Variants in TEX9 observed in about 807,000 individuals in gnomAD.
The protein encoded by TEX9 is testis expressed 9.
In TEX9, 74 loss-of-function variants were observed where a neutral mutation model predicts 59.6. That is an observed-to-expected ratio of 1.24 (90% CI 1.03 to 1.51). The LOEUF is 1.51. Among genes scored for constraint, TEX9 ranks in the 40% most tolerant of loss-of-function variants. The pLI, the probability that TEX9 is intolerant of heterozygous loss-of-function variation, is 0.00. For missense variants in TEX9, 522 were observed against 447.8 expected, an observed-to-expected ratio of 1.17 and a Z score of -1.49; for synonymous variants, 186 against 152.2, an observed-to-expected ratio of 1.22 and a Z score of -1.64.
intron 1 of TEX9, among the ~76,000 whole-genome samples, chr15:56,314,777 G>C (rs1429045068): frequency 6.6e-6 from 1 of 151,798 alleles, no homozygotes; most frequent in African/African-American, 2.4e-5. Flanking sequence ...ATTATTGTGT[G>C]GGAGTCTAAG....
At chr15:56,378,551 C>T (rs2047571052) in intron 3 of TEX9, among the ~76,000 whole-genome samples, 1 of 151,898 alleles carries the variant, frequency 6.6e-6, no homozygotes, top group African/African-American at 2.4e-5. Flanking sequence ...TGAATTTCTG[C>T]ATTGTCAGTT....
intron 1 of TEX9, among the ~76,000 whole-genome samples, chr15:56,262,272 G>T (rs562017162): frequency 5.3e-5 from 8 of 152,224 alleles, no homozygotes; most frequent in Non-Finnish European, 1.0e-4. Context: ...GAGCAGAGAG[G>T]CAATAATTCA....
chr15:56,442,611 C>T (rs1387975673), intron 12 of TEX9, among the ~76,000 whole-genome samples: 1 of 152,158 alleles, frequency 6.6e-6, no homozygotes, highest in Non-Finnish European at 1.5e-5. Context: ...AGCTGGAGGC[C>T]ATTAGCCTAT....
chr15:56,277,903 C>T (rs1212589885), intron 1 of TEX9, among the ~76,000 whole-genome samples: 1 of 152,174 alleles, frequency 6.6e-6, no homozygotes, highest in Non-Finnish European at 1.5e-5. Flanking sequence ...AATGCCCTTT[C>T]TGCTCTCTGC....
intron 1 of TEX9, among the ~76,000 whole-genome samples, chr15:56,344,040 A>C (rs1422052082): frequency 6.6e-6 from 1 of 152,180 alleles, no homozygotes; most frequent in Non-Finnish European, 1.5e-5. Flanking sequence ...GGATGTGGAG[A>C]AACTGGAACT....
intron 12 of TEX9, chr15:56,434,000 A>G (rs1384977933): frequency 1.6e-5 from 15 of 939,080 alleles, no homozygotes; most frequent in Non-Finnish European, 3.0e-6. Flanking sequence ...AAAAATGGTC[A>G]GAAAATTTAT....
intron 1 of TEX9, among the ~76,000 whole-genome samples, chr15:56,351,447 A>G (rs1440808990): frequency 6.6e-6 from 1 of 152,216 alleles, no homozygotes; most frequent in Non-Finnish European, 1.5e-5. Context: ...AAAAAGTTAG[A>G]GTGTGTAGTT....
chr15:56,459,991 A>AG, the TEX9 span, among the ~76,000 whole-genome samples: 2 of 7,790 alleles, frequency 2.6e-4, no homozygotes, highest in African/African-American at 3.6e-4. Flanking sequence ...ATTCTGTCTC[A>AG]AAAAAAAAAA....
chr15:56,272,808 A>G (rs2141405594), intron 1 of TEX9, among the ~76,000 whole-genome samples: 1 of 152,182 alleles, frequency 6.6e-6, no homozygotes, highest in African/African-American at 2.4e-5. Flanking sequence ...AATTATTGAT[A>G]TTGTCAGATT....
intron 1 of TEX9, chr15:56,323,449 C>T (rs1463404433): frequency 5.9e-5 from 10 of 169,320 alleles, no homozygotes; most frequent in Non-Finnish European, 1.1e-4. Flanking sequence ...AAGAGAACAT[C>T]CCATTGGTGA....
intron 1 of TEX9, among the ~76,000 whole-genome samples, chr15:56,278,942 C>T (rs986537977): frequency 1.1e-4 from 16 of 152,070 alleles, no homozygotes; most frequent in Admixed American, 2.0e-4. Context: ...GGGTCTTCCT[C>T]CTCTGGAATA....
At chr15:56,271,036 A>T (rs1336044913) in intron 1 of TEX9, among the ~76,000 whole-genome samples, 1 of 152,160 alleles carries the variant, frequency 6.6e-6, no homozygotes, top group Non-Finnish European at 1.5e-5. Context: ...CTTTGTGGGT[A>T]ACATGACCTT....
At chr15:56,369,907 G>A (rs2047113562) in intron 2 of TEX9, among the ~76,000 whole-genome samples, 1 of 151,926 alleles carries the variant, frequency 6.6e-6, no homozygotes, top group Non-Finnish European at 1.5e-5. Context: ...TTATAATGTG[G>A]CCATTTTTGT....
intron 4 of TEX9, among the ~76,000 whole-genome samples, chr15:56,386,210 T>C (rs745529752): frequency 6.6e-6 from 1 of 152,032 alleles, no homozygotes; most frequent in African/African-American, 2.4e-5. Flanking sequence ...TTTCACTTAT[T>C]TGATGCTCTG....
the TEX9 span, among the ~76,000 whole-genome samples, chr15:56,459,021 T>C: frequency 1.3e-5 from 2 of 152,362 alleles, no homozygotes; most frequent in African/African-American, 4.8e-5. Context: ...CATCTGTGTG[T>C]ACATTTGTGT....
chr15:56,269,856 C>T (rs1481758861), intron 1 of TEX9, among the ~76,000 whole-genome samples: 1 of 151,938 alleles, frequency 6.6e-6, no homozygotes, highest in Admixed American at 6.6e-5. Context: ...TGGGGTTTCA[C>T]CGTGTTAGCC....
intron 1 of TEX9, among the ~76,000 whole-genome samples, chr15:56,305,280 T>C (rs2045452219): frequency 6.6e-6 from 1 of 152,046 alleles, no homozygotes; most frequent in South Asian, 2.1e-4. Flanking sequence ...AAAAAAATCC[T>C]ACAATTTATA....
At chr15:56,431,319 T>C in intron 12 of TEX9, 1 of 1,579,242 alleles carries the variant, frequency 6.3e-7, no homozygotes, top group Non-Finnish European at 8.6e-7. Context: ...AATACCATGT[T>C]TTTTTCACTA....
chr15:56,395,837 TAAG>T (rs1410728366), intron 9 of TEX9: 1 of 152,184 alleles, frequency 6.6e-6, no homozygotes, highest in Non-Finnish European at 1.5e-5. Context: ...TACTGAATAA[TAAG>T]AACTTTTAAG....
Sources: gnomAD v4.1 joint callset for allele counts (sites outside exome capture counted in the v4.1 genomes callset) on GRCh38, gnomAD v4.1.1 for gene constraint, MANE v1.5 for transcripts, NCBI Gene and HGNC (gene_info 2026-07-23, HGNC 2026-07-21) for gene names.